The following DNAH10 variants were observed in gnomAD, a reference collection of about 807,000 sequenced individuals.
DNAH10 encodes the protein axonemal beta dynein heavy chain 10.
A neutral mutation model predicts 506.6 loss-of-function variants in DNAH10; 348 were observed. That is an observed-to-expected ratio of 0.69 (90% confidence interval 0.63 to 0.75). DNAH10 has a LOEUF of 0.75. Among genes scored for constraint, DNAH10 ranks in the 30% least tolerant of loss-of-function variants. The pLI is 0.00. For missense variants in DNAH10, 5,179 were observed against 5,787.1 expected (o/e 0.89, Z 3.41); for synonymous variants, 2,059 against 2,198.6 (o/e 0.94, Z 1.78).
At chr12:123,871,065 C>T (rs1240710096) in intron 44 of DNAH10, among the ~76,000 whole-genome samples, 1 of 152,168 alleles carries the variant, frequency 6.6e-6, no homozygotes, top group Non-Finnish European at 1.5e-5. Context: ...AGGGTTGAAA[C>T]CTGCCAGTGC....
chr12:123,848,023 C>A lies in DNAH10; in HGVS notation c.5877C>A (p.Thr1959=). The A allele has an allele frequency of 6.2e-7, 1 of 1,614,038 alleles. No homozygotes were observed. Among genetic ancestry groups the A allele is most frequent in the African/African-American group, 1.3e-5 (1 of 75,068 alleles). The change falls in exon 33 of 79, where the codon ACC becomes ACA. Residue 1959 remains threonine, a synonymous_variant. Transcript: ENST00000673944. The part of the protein sequence containing the change: ...AGPAGTGKTE[T]TKDLAKALGL... ...CAGCAGGAACCGGCAAAACCGAGAC[C>A]ACCAAGGACCTGGCGAAAGCCTTGG...
rs1406352108 is a variant in DNAH10 at position 123,841,457 on chromosome 12, T to C, written c.5272T>C (p.Trp1758Arg). Reference protein sequence around the residue: ...ILRAEGRVEDWMTAVLNEMRR... With the variant: ...ILRAEGRVEDRMTAVLNEMRR... ...GCGGGCTGAAGGGCGCGTGGAGGAC[T>C]GGATGACGGCAGTTTTGAATGAGAT... The change falls in exon 30 of 79, where the codon TGG becomes CGG. Residue 1758 changes from tryptophan (W) to arginine (R), a missense_variant. Transcript: ENST00000673944. 1.2e-6 allele frequency: 2 copies of C among 1,614,030 alleles called. No homozygotes were observed. Among genetic ancestry groups the C allele is most frequent in the South Asian group, 1.1e-5 (1 of 91,080 alleles).
At chr12:123,894,370 C>T (rs1037243418) in intron 53 of DNAH10, among the ~76,000 whole-genome samples, 4 of 152,102 alleles carry the variant, frequency 2.6e-5, no homozygotes, top group African/African-American at 9.7e-5. Flanking sequence ...GATTCTCTCA[C>T]CTCAGCCTCC....
rs758589194 is a variant in DNAH10 at position 123,845,964 on chromosome 12, C to T, written c.5631-7C>T. The T allele has an allele frequency of 1.1e-5, 18 of 1,613,398 alleles. No homozygotes were observed. The highest frequency in any genetic ancestry group is 3.3e-5 in the South Asian group (3 of 91,058). On this transcript the variant is annotated splice_region_variant and splice_polypyrimidine_tract_variant and intron_variant, in intron 31 of 78. Transcript: ENST00000673944. ...TTTCCACTTCCTCCACCTTTCTTGC[C>T]GTCCAGTATCCTGGAGGCCCGAGAG...
chr12:123,805,220 TCAA>T lies in DNAH10; in HGVS notation c.2987+183_2987+185del, dbSNP rs1285293255. ...GACCTTCATGATCTTGTTAGGCCCC[TCAA>T]CATTCCAAAAAAGAAAGGATCCCTC... On this transcript the variant is annotated intron_variant, in intron 18 of 78. Coordinates refer to ENST00000673944, the MANE Select transcript of DNAH10 (RefSeq NM_001372106.1). Among the ~76,000 whole-genome samples, 502 of 152,202 alleles carry T rather than the reference TCAA, an allele frequency of 3.3e-3. 5 individuals carry two copies. Among genetic ancestry groups the T allele is most frequent in the African/African-American group, 0.011 (460 of 41,540 alleles).
rs770708447 is a variant in DNAH10 at position 123,783,246 on chromosome 12, A to G, written c.981A>G (p.Gln327=). 54 of 1,613,908 alleles carry G rather than the reference A, an allele frequency of 3.3e-5. No individual in the cohort carries two copies. The highest frequency in any genetic ancestry group is 6.6e-5 in the South Asian group (6 of 91,078). ...LNQISTAVEA[Q]LKKTPQGKGP... ...AGATATCCACAGCGGTTGAGGCCCA[A>G]CTGAAGAAGACACCTCAGGTAGTTT... Residue 327 remains glutamine, a synonymous_variant, in exon 7 of 79, where the codon CAA becomes CAG. Transcript: ENST00000673944.
chr12:123,831,577 C>T (rs536031156), intron 26 of DNAH10, among the ~76,000 whole-genome samples: 214 of 152,220 alleles, frequency 1.4e-3, no homozygotes, highest in African/African-American at 2.9e-3. Context: ...CCTAATAGTA[C>T]GTGTGTATCT....
At chr12:123,788,043 A>C (rs1400119714) in intron 10 of DNAH10, 41 bp downstream of exon 10, 1 of 1,550,470 alleles carries the variant, frequency 6.4e-7, no homozygotes, top group Non-Finnish European at 8.7e-7. Context: ...GCCCCGAAGA[A>C]GGCAGTTGGC....
Position 123,850,765 on chromosome 12 carries a change from G to A in DNAH10, c.6103-123G>A, listed in dbSNP as rs1951125196. On this transcript the variant is annotated intron_variant, in intron 34 of 78. Coordinates refer to ENST00000673944, the MANE Select transcript of DNAH10 (RefSeq NM_001372106.1). This position sits in a 1 kb window ranked among gnomAD's most constrained non-coding sequence, Gnocchi z 5.5. ...ACCGGGGAGGGAAAAAGAGACAAGT[G>A]GTGTTGTCAGCCTCATACCATGAAA... is the stretch of plus-strand genomic sequence containing the variant. The A allele has an allele frequency of 1.0e-6, 1 of 979,526 alleles. No individual in the cohort carries two copies. Among genetic ancestry groups the A allele is most frequent in the South Asian group, 1.7e-5 (1 of 57,734 alleles). 60.7% of individuals were successfully genotyped at this position (979,526 alleles called of 1,614,324 possible). A position where few individuals can be genotyped will look rare whatever the true frequency, so the allele number is the denominator to read the frequency against.
intron 43 of DNAH10, among the ~76,000 whole-genome samples, chr12:123,869,653 T>C (rs1951947563): frequency 6.6e-6 from 1 of 152,164 alleles, no homozygotes; most frequent in African/African-American, 2.4e-5. Flanking sequence ...ACTTTCTCCT[T>C]TTACAGTGGA....
At chr12:123,781,839 GTTC>G (rs1440198804) in intron 6 of DNAH10, among the ~76,000 whole-genome samples, 2 of 152,120 alleles carry the variant, frequency 1.3e-5, no homozygotes, top group East Asian at 1.9e-4. Flanking sequence ...GAAACTGAAT[GTTC>G]TTCTAATTTT....
rs1219935846 is a variant in DNAH10 at position 123,929,392 on chromosome 12, C to G, written c.12424C>G (p.Leu4142Val). Reference protein sequence around the residue: ...HPAFKPLVYVLAFFHAVVQER... With the variant: ...HPAFKPLVYVVAFFHAVVQER... The stretch of plus-strand genomic sequence containing the variant: ...TGCCTTCAAGCCGCTGGTCTACGTG[C>G]TGGCGTTCTTTCATGCTGTGGTGCA... The change falls in exon 71 of 79, where the codon CTG (leucine) becomes GTG (valine). Residue 4142 changes from leucine (L) to valine (V), a missense_variant. This residue lies in a region of DNAH10 where 4,844 missense variants were observed against 5,430.5 expected (regional missense o/e 0.89). Transcript: ENST00000673944. 3 of 1,613,454 alleles carry G rather than the reference C, an allele frequency of 1.9e-6. No homozygotes were observed. Among genetic ancestry groups the G allele is most frequent in the Non-Finnish European group, 2.5e-6 (3 of 1,179,736 alleles).
At chr12:123,840,394 GTTTT>G (rs71088961) in intron 29 of DNAH10, among the ~76,000 whole-genome samples, 62 of 37,780 alleles carry the variant, frequency 1.6e-3, no homozygotes, top group South Asian at 5.0e-3. Flanking sequence ...TCTGTTTCCA[GTTTT>G]TTTTTTTTTT....
chr12:123,857,038 G>A lies in DNAH10; in HGVS notation c.6439-18G>A, dbSNP rs1951420409. 1 of 1,595,130 alleles carries A rather than the reference G, an allele frequency of 6.3e-7. No homozygotes were observed. The highest frequency in any genetic ancestry group is 8.5e-7 in the Non-Finnish European group (1 of 1,170,366). On this transcript the variant is annotated intron_variant, in intron 36 of 78. Transcript: ENST00000673944. ...TCCTTTGGAAATCTCTTGGAAACAT[G>A]TGTTTCATTTCCTGCAGGACGTGGT...
At position 123,853,570 on chromosome 12, in the gene DNAH10, C is replaced by T. The variant is rs1006690173; in HGVS notation, c.6438+218C>T. 6.6e-6 allele frequency among the ~76,000 whole-genome samples: 1 copy of T among 152,172 alleles called. No individual in the cohort carries two copies. Among genetic ancestry groups the T allele is most frequent in the African/African-American group, 2.4e-5 (1 of 41,434 alleles). ...CTTAAGGTCAAGTGCAATGTCTTCG[C>T]TCCAATAGCAACATTTATGATGCTT... On this transcript the variant is annotated intron_variant, in intron 36 of 78. Transcript: ENST00000673944. This position sits in a 1 kb window ranked among gnomAD's most constrained non-coding sequence, Gnocchi z 4.7.
intron 21 of DNAH10, among the ~76,000 whole-genome samples, chr12:123,816,552 C>G (rs910025481): frequency 5.9e-5 from 9 of 152,160 alleles, no homozygotes; most frequent in African/African-American, 2.2e-4. Flanking sequence ...GCTTATGCGT[C>G]TCTTTCGTTT....
In DNAH10 at chr12:123,830,600, G is replaced by A. The variant is rs372606019; in HGVS notation, c.4446G>A (p.Thr1482=). The change falls in exon 26 of 79, where the codon ACG becomes ACA. Residue 1482 remains threonine, a synonymous_variant. Transcript: ENST00000673944. ...KTSVFFEMTE[T]FTLENMFAME... is the part of the protein sequence containing the mutation. ...CTGTCTTTTTTGAAATGACCGAAAC[G>A]TTCACCTTGGAAAATATGTTTGCTA... 88 of 1,613,608 alleles carry A rather than the reference G, an allele frequency of 5.5e-5. No homozygotes were observed. In the African/African-American group the frequency reaches 6.7e-4, roughly 12 times the overall value.
intron 45 of DNAH10, among the ~76,000 whole-genome samples, chr12:123,873,050 C>A (rs924590731): frequency 1.2e-4 from 18 of 152,314 alleles, no homozygotes; most frequent in African/African-American, 4.3e-4. Flanking sequence ...AGTCCCAAAG[C>A]CTGAACCACT....
chr12:123,833,578 A>T (rs1960807973), intron 27 of DNAH10, among the ~76,000 whole-genome samples: 1 of 152,090 alleles, frequency 6.6e-6, no homozygotes, highest in Admixed American at 6.6e-5. Context: ...AAGATTCCTA[A>T]TTGCTTCTTT....
Sources: allele counts gnomAD v4.1 joint callset (sites outside exome capture counted in the v4.1 genomes callset), GRCh38; gene constraint gnomAD v4.1.1; regional missense constraint gnomAD v4.1.1; non-coding constraint Gnocchi (gnomAD v3.1); transcripts MANE v1.5; gene names NCBI Gene and HGNC (gene_info 2026-07-23, HGNC 2026-07-21).